Variants in TBC1D23 observed in about 807,000 individuals in gnomAD.
TBC1D23 encodes TBC1 domain family member 23, also known as HCV non-structural protein 4A-transactivated protein 1.
A neutral mutation model predicts 91.4 loss-of-function variants in TBC1D23; 55 were observed. The ratio of observed to expected loss-of-function variants is 0.60; its 90% CI spans 0.48 to 0.75. The LOEUF (loss-of-function observed/expected upper bound fraction) is 0.75, where lower values mean the gene tolerates loss of function less well. TBC1D23 is among the 30% of genes least tolerant of loss of function. The pLI, the probability that TBC1D23 is intolerant of heterozygous loss-of-function variation, is 0.00. For missense variants in TBC1D23, 725 were observed against 836.1 expected (o/e 0.87, Z 1.64); for synonymous variants, 289 against 281.0 (o/e 1.03, Z -0.28).
intron 11 of TBC1D23, among the ~76,000 whole-genome samples, chr3:100,304,042 C>T (rs1280718681): frequency 6.6e-6 from 1 of 152,072 alleles, no homozygotes; most frequent in Non-Finnish European, 1.5e-5. Flanking sequence ...TCAAGTTTCC[C>T]TGATTTTCCT....
At chr3:100,284,656 G>A (rs946715362) in intron 4 of TBC1D23, among the ~76,000 whole-genome samples, 2 of 152,050 alleles carry the variant, frequency 1.3e-5, no homozygotes, top group African/African-American at 4.8e-5. Context: ...AGGTGGTTGT[G>A]ATGGGGGTTG....
At chr3:100,299,186 C>A in intron 9 of TBC1D23, 53 bp from the exon 10 acceptor site, 2 of 1,145,184 alleles carry the variant, frequency 1.7e-6, no homozygotes, top group African/African-American at 1.5e-5. Flanking sequence ...TTATGTTGTG[C>A]AATGTGAACC....
intron 13 of TBC1D23, 50 bp from the exon 14 acceptor site, chr3:100,310,353 A>G (rs1705604475): frequency 6.5e-7 from 1 of 1,527,374 alleles, no homozygotes; most frequent in African/African-American, 1.4e-5. Context: ...TAGCAGTAGT[A>G]TGTCTTTTAG....
chr3:100,296,720 C>T (rs534140721), intron 8 of TBC1D23, among the ~76,000 whole-genome samples: 220 of 151,834 alleles, frequency 1.4e-3, no homozygotes, highest in African/African-American at 5.0e-3. Flanking sequence ...ATTAGCCGGG[C>T]GTGGTGGTGG....
chr3:100,262,702 C>A (rs1417523149), intron 1 of TBC1D23, among the ~76,000 whole-genome samples: 2 of 107,358 alleles, frequency 1.9e-5, no homozygotes, highest in Non-Finnish European at 3.4e-5. Context: ...TCCAGCCCGG[C>A]GGCAGTGTGA....
rs773134077 is a variant in TBC1D23 at position 100,296,146 on chromosome 3, T to C, written c.773-26T>C. On this transcript the variant is annotated intron_variant, in intron 7 of 18. Coordinates refer to ENST00000394144, the MANE Select transcript of TBC1D23 (RefSeq NM_001199198.3). ...AATATTTGCATTTTTCACAAACTAC[T>C]AAATATTATGTCTATAATATTTCAG... 2.8e-5 allele frequency: 36 copies of C among 1,307,312 alleles called. No individual in the cohort carries two copies. The South Asian group carries it at 3.8e-4, about 14-fold the overall frequency. 81.0% of individuals were successfully genotyped at this position (1,307,312 alleles called of 1,614,324 possible). A position where few individuals can be genotyped will look rare whatever the true frequency, so the allele number is the denominator to read the frequency against.
At chr3:100,314,714 G>A (rs1239006575) in intron 15 of TBC1D23, among the ~76,000 whole-genome samples, 1 of 152,222 alleles carries the variant, frequency 6.6e-6, no homozygotes, top group Non-Finnish European at 1.5e-5. Context: ...AGAATTCGAG[G>A]CTGCAGTGAG....
chr3:100,301,606 C>G (rs943461741), intron 10 of TBC1D23, among the ~76,000 whole-genome samples: 1 of 152,144 alleles, frequency 6.6e-6, no homozygotes, highest in East Asian at 1.9e-4. Flanking sequence ...ATATTTCATC[C>G]TTGTGTCTCC....
At chr3:100,310,635 G>T (rs1446535489) in intron 14 of TBC1D23, 93 bp downstream of exon 14, 3 of 972,224 alleles carry the variant, frequency 3.1e-6, no homozygotes, top group Admixed American at 6.0e-5. Context: ...AATTTAATGT[G>T]TTCCAGAAAA....
chr3:100,288,360 CAA>C (rs2067762201), intron 4 of TBC1D23, among the ~76,000 whole-genome samples: 1 of 152,000 alleles, frequency 6.6e-6, no homozygotes, highest in Non-Finnish European at 1.5e-5. Flanking sequence ...GGGACCCCTA[CAA>C]AAATACCACT....
chr3:100,324,486 C>T lies in TBC1D23; in HGVS notation c.*818C>T, dbSNP rs1705918903. 1 of 152,286 alleles carries T rather than the reference C, an allele frequency of 6.6e-6. No individual in the cohort carries two copies. The highest frequency in any genetic ancestry group is 1.9e-4 in the East Asian group (1 of 5,188). The allele number at this position is 152,286 out of a possible 1,614,324, so 9.4% of individuals were successfully genotyped here. A position where few individuals can be genotyped will look rare whatever the true frequency, so the allele number is the denominator to read the frequency against. On this transcript the variant is annotated 3_prime_UTR_variant, in exon 19 of 19. Transcript: ENST00000394144. The stretch of plus-strand genomic sequence containing the variant: ...TATTTTAAAACAAATGTTTAAGCCA[C>T]ATTGATTTATCCTCATTGAGGATTA...
chr3:100,312,438 G>GA (rs199864870), intron 15 of TBC1D23, among the ~76,000 whole-genome samples: 2 of 151,522 alleles, frequency 1.3e-5, no homozygotes, highest in East Asian at 1.9e-4. Flanking sequence ...GGTTTTTGTT[G>GA]AAAAAAAATT....
intron 3 of TBC1D23, 53 bp downstream of exon 3, chr3:100,281,900 G>T: frequency 8.9e-7 from 1 of 1,121,888 alleles, no homozygotes; most frequent in Non-Finnish European, 1.3e-6. Context: ...ATAATTTTTG[G>T]GTTGAGGAAT....
chr3:100,314,286 C>T (rs1052831935), intron 15 of TBC1D23, among the ~76,000 whole-genome samples: 5 of 151,720 alleles, frequency 3.3e-5, no homozygotes, highest in South Asian at 2.1e-4. Flanking sequence ...TTAGTAGAGA[C>T]GGGGTTTCAC....
At chr3:100,274,187 A>T (rs1049531189) in intron 1 of TBC1D23, among the ~76,000 whole-genome samples, 1 of 152,174 alleles carries the variant, frequency 6.6e-6, no homozygotes, top group African/African-American at 2.4e-5. Flanking sequence ...AATAGTATTC[A>T]TGGATTCTGT....
At chr3:100,320,565 G>T (rs533229059) in intron 17 of TBC1D23, among the ~76,000 whole-genome samples, 33 of 152,064 alleles carry the variant, frequency 2.2e-4, no homozygotes, top group Admixed American at 1.2e-3. Context: ...ATCATTGCAG[G>T]ATTATCTGTT....
At chr3:100,320,086 A>C (rs1337231839) in intron 17 of TBC1D23, among the ~76,000 whole-genome samples, 2 of 151,984 alleles carry the variant, frequency 1.3e-5, no homozygotes, top group African/African-American at 4.8e-5. Flanking sequence ...ATGTGTCTTT[A>C]GTCTCACCCT....
rs141141221 is a variant in TBC1D23, at chr3:100,298,825, G to A, written c.1000-414G>A. Among the ~76,000 whole-genome samples the A allele has an allele frequency of 4.7e-3, 715 of 152,244 alleles. 2 individuals carry two copies. Among genetic ancestry groups the A allele is most frequent in the Non-Finnish European group, 6.4e-3 (433 of 68,008 alleles). On this transcript the variant is annotated intron_variant, in intron 9 of 18. Transcript: ENST00000394144. ...ACATTCTCCCTTCATCCCCCCACAC[G>A]AAATAGATGTTTAGTTCTTACGTGA...
At chr3:100,261,187 G>T (rs974528718) in intron 1 of TBC1D23, 116 bp downstream of exon 1, 5 of 992,424 alleles carry the variant, frequency 5.0e-6, no homozygotes, top group Non-Finnish European at 7.8e-6. Context: ...GGTCCTAGGC[G>T]AAGTCCGGTG....
Sources: allele counts gnomAD v4.1 joint callset (sites outside exome capture counted in the v4.1 genomes callset), GRCh38; gene constraint gnomAD v4.1.1; transcripts MANE v1.5; gene names NCBI Gene and HGNC (gene_info 2026-07-23, HGNC 2026-07-21).